Variants in DLG2 observed in about 807,000 individuals in gnomAD.
DLG2 encodes discs large MAGUK scaffold protein 2.
DLG2 carries 45 observed loss-of-function variants against 132.5 expected under a neutral mutation model. That is an observed-to-expected ratio of 0.34 (90% CI 0.27 to 0.44). DLG2 has a LOEUF of 0.44. DLG2 is among the 20% of genes least tolerant of loss of function. The pLI is 1.00. For synonymous variants in DLG2, 424 were observed against 419.6 expected (o/e 1.01, Z -0.13); for missense variants, 1,045 against 1,196.9 (o/e 0.87, Z 1.87).
intron 7 of DLG2, among the ~76,000 whole-genome samples, chr11:84,262,925 A>C (rs1360622811): frequency 1.3e-5 from 2 of 152,182 alleles, no homozygotes; most frequent in South Asian, 4.1e-4. Flanking sequence ...GTCATTGATA[A>C]TGGAATCAAC....
chr11:84,852,970 T>C (rs1245272820), intron 6 of DLG2, among the ~76,000 whole-genome samples: 2 of 152,016 alleles, frequency 1.3e-5, no homozygotes, highest in Non-Finnish European at 2.9e-5. Context: ...AAATATTCAA[T>C]TGAAAAAGGA....
At chr11:83,837,861 G>A (rs778858908) in intron 16 of DLG2, among the ~76,000 whole-genome samples, 1 of 151,558 alleles carries the variant, frequency 6.6e-6, no homozygotes, top group South Asian at 2.1e-4. Flanking sequence ...TCTACTCAAG[G>A]TTATTTGTTT....
chr11:85,176,594 A>C (rs1034917129), intron 4 of DLG2, among the ~76,000 whole-genome samples: 1 of 152,228 alleles, frequency 6.6e-6, no homozygotes, highest in African/African-American at 2.4e-5. Flanking sequence ...AATTGCAACA[A>C]AAGCAAAAAT....
intron 2 of DLG2, among the ~76,000 whole-genome samples, chr11:85,607,374 GACA>G (rs754533826): frequency 2.0e-5 from 3 of 152,126 alleles, no homozygotes; most frequent in African/African-American, 7.2e-5. Flanking sequence ...CCAGGGTCCC[GACA>G]ACAAGTTGGT....
chr11:84,357,952 T>C (rs1208568255), intron 7 of DLG2, among the ~76,000 whole-genome samples: 1 of 151,964 alleles, frequency 6.6e-6, no homozygotes, highest in Non-Finnish European at 1.5e-5. Flanking sequence ...CATTGGTATA[T>C]ATACCTACCT....
chr11:84,049,118 C>T (rs2096300154), intron 11 of DLG2, among the ~76,000 whole-genome samples: 1 of 150,566 alleles, frequency 6.6e-6, no homozygotes, highest in African/African-American at 2.4e-5. Flanking sequence ...AAAACAAAAA[C>T]CAGGAGCAGA....
chr11:83,760,002 T>C (rs1435634164), intron 18 of DLG2, among the ~76,000 whole-genome samples: 2 of 152,202 alleles, frequency 1.3e-5, no homozygotes, highest in African/African-American at 4.8e-5. Flanking sequence ...GTTTGTGATA[T>C]TTAGAAGGCA....
At chr11:85,616,833 G>A (rs543156567) in intron 2 of DLG2, among the ~76,000 whole-genome samples, 4 of 152,250 alleles carry the variant, frequency 2.6e-5, no homozygotes, top group South Asian at 4.1e-4. Flanking sequence ...ACGCATCTAG[G>A]CAAACAGAAA....
At chr11:84,781,496 A>T (rs2071765654) in intron 6 of DLG2, among the ~76,000 whole-genome samples, 1 of 151,940 alleles carries the variant, frequency 6.6e-6, no homozygotes, top group Admixed American at 6.6e-5. Context: ...GAATACTAAG[A>T]GGAAAACGAC....
chr11:84,066,483 G>A (rs993750049), intron 10 of DLG2, among the ~76,000 whole-genome samples: 5 of 152,184 alleles, frequency 3.3e-5, no homozygotes, highest in African/African-American at 1.2e-4. Flanking sequence ...TTTGGGGCCG[G>A]GAGCGATGGC....
At chr11:85,561,836 A>G (rs2153223899) in intron 3 of DLG2, among the ~76,000 whole-genome samples, 1 of 152,008 alleles carries the variant, frequency 6.6e-6, no homozygotes, top group East Asian at 1.9e-4. Context: ...TTGATTGAAC[A>G]CTTATAATAT....
intron 9 of DLG2, among the ~76,000 whole-genome samples, chr11:84,140,584 T>A (rs930381454): frequency 6.6e-6 from 1 of 152,174 alleles, no homozygotes; most frequent in African/African-American, 2.4e-5. Context: ...GTTATTGTTT[T>A]TCCCTGGAGT....
intron 6 of DLG2, among the ~76,000 whole-genome samples, chr11:84,682,822 T>C (rs2099734688): frequency 6.6e-6 from 1 of 152,196 alleles, no homozygotes; most frequent in Non-Finnish European, 1.5e-5. Context: ...TCTATTGCTC[T>C]GATCTCACAC....
At chr11:84,336,893 A>T (rs2098487398) in intron 7 of DLG2, among the ~76,000 whole-genome samples, 2 of 152,084 alleles carry the variant, frequency 1.3e-5, no homozygotes, top group African/African-American at 4.8e-5. Flanking sequence ...ATACCTATCA[A>T]TTTCTAAACT....
chr11:85,507,401 A>G (rs1350965277), intron 3 of DLG2, among the ~76,000 whole-genome samples: 4 of 152,068 alleles, frequency 2.6e-5, no homozygotes, highest in Non-Finnish European at 4.4e-5. Context: ...TATAAGGCAG[A>G]CCTGGTGGTG....
intron 18 of DLG2, among the ~76,000 whole-genome samples, chr11:83,732,153 A>C (rs543490479): frequency 6.6e-6 from 1 of 152,312 alleles, no homozygotes; most frequent in South Asian, 2.1e-4. Flanking sequence ...TTTAAAGAGA[A>C]AGCCATTTTG....
chr11:85,297,567 ATC>A (rs2079313497), intron 3 of DLG2, among the ~76,000 whole-genome samples: 1 of 152,178 alleles, frequency 6.6e-6, no homozygotes, highest in Non-Finnish European at 1.5e-5. Flanking sequence ...TGAAAAATAC[ATC>A]TATGAGCTTC....
At chr11:84,380,029 T>G (rs959191617) in intron 7 of DLG2, among the ~76,000 whole-genome samples, 2 of 152,010 alleles carry the variant, frequency 1.3e-5, no homozygotes, top group Non-Finnish European at 2.9e-5. Flanking sequence ...AGAGTTACAT[T>G]TTCAAGGAAC....
intron 3 of DLG2, among the ~76,000 whole-genome samples, chr11:85,480,817 A>C (rs1361198335): frequency 1.3e-5 from 2 of 152,222 alleles, no homozygotes; most frequent in Non-Finnish European, 2.9e-5. Flanking sequence ...AGCTGCACAC[A>C]GGAAAAAAAA....
Sources: allele counts gnomAD v4.1 joint callset (sites outside exome capture counted in the v4.1 genomes callset), GRCh38; gene constraint gnomAD v4.1.1; transcripts MANE v1.5; gene names NCBI Gene and HGNC (gene_info 2026-07-23, HGNC 2026-07-21).